ATRNL1: variants seen among roughly 807,000 people sequenced by gnomAD.
ATRNL1 encodes attractin-like protein 1.
In ATRNL1, 95 loss-of-function variants were observed where a neutral mutation model predicts 182.7. The ratio of observed to expected loss-of-function variants is 0.52; its 90% confidence interval spans 0.44 to 0.62. The LOEUF is 0.62. ATRNL1 is among the 20% of genes least tolerant of loss of function. ATRNL1 has a pLI of 0.00. For synonymous variants in ATRNL1, 576 were observed against 568.3 expected (o/e 1.01, Z -0.19); for missense variants, 1,471 against 1,679.5 (o/e 0.88, Z 2.17).
intron 26 of ATRNL1, among the ~76,000 whole-genome samples, chr10:115,569,698 C>G (rs1261576958): frequency 6.6e-6 from 1 of 151,830 alleles, no homozygotes; most frequent in Non-Finnish European, 1.5e-5. Context: ...AGCTCTTTAA[C>G]CTTGAGTAGG....
At chr10:115,368,770 G>A (rs1216315246) in intron 19 of ATRNL1, among the ~76,000 whole-genome samples, 4 of 150,890 alleles carry the variant, frequency 2.7e-5, no homozygotes, top group African/African-American at 7.4e-5. Flanking sequence ...CTGGAATGCA[G>A]TGGTGTGATC....
intron 26 of ATRNL1, among the ~76,000 whole-genome samples, chr10:115,670,421 A>G (rs1555041029): frequency 6.6e-6 from 1 of 152,120 alleles, no homozygotes; most frequent in African/African-American, 2.4e-5. Context: ...TTTTGCCATT[A>G]TTTAACATTT....
intron 26 of ATRNL1, among the ~76,000 whole-genome samples, chr10:115,602,590 G>A (rs1160907297): frequency 5.3e-5 from 8 of 152,050 alleles, no homozygotes; most frequent in Non-Finnish European, 7.4e-5. Flanking sequence ...ATGGCCGGGC[G>A]CAGTGGCTCA....
rs1295927689 is a variant in ATRNL1 at position 115,331,896 on chromosome 10, A to C, written c.3038-2386A>C. The stretch of plus-strand genomic sequence containing the variant: ...TAAGAGATCAGGGTCAGACCCTCAC[A>C]TATGAAGGATTGTAGACCATCCATC... On this transcript the variant is annotated intron_variant, in intron 18 of 28. Coordinates refer to ENST00000355044, the MANE Select transcript of ATRNL1 (RefSeq NM_207303.4). Among the ~76,000 whole-genome samples the C allele has an allele frequency of 2.6e-5, 4 of 152,166 alleles. No individual in the cohort carries two copies. The East Asian group carries it at 7.7e-4, about 29-fold the overall frequency.
chr10:115,814,631 T>G (rs1950121014), intron 27 of ATRNL1, among the ~76,000 whole-genome samples: 1 of 152,174 alleles, frequency 6.6e-6, no homozygotes, highest in African/African-American at 2.4e-5. Context: ...GGGTTTCTTC[T>G]TAACATTCCT....
Position 115,847,929 on chromosome 10 carries a change from T to C in ATRNL1, c.3956T>C (p.Val1319Ala). The change falls in exon 28 of 29, where the codon GTT becomes GCT. Residue 1319 changes from valine (V) to alanine (A), a missense_variant. Val to Ala is a moderately conservative substitution (Grantham distance 64). Transcript: ENST00000355044. ...CCATGTGCTGGGAACAGAGCTGCTG[T>C]TCTGACTGTGTTTCTTTGTCTACCA... ...IEPCAGNRAA[V>A]LTVFLCLPRG... The C allele has an allele frequency of 6.2e-7, 1 of 1,613,078 alleles. No individual in the cohort carries two copies. Among genetic ancestry groups the C allele is most frequent in the East Asian group, 2.2e-5 (1 of 44,860 alleles).
chr10:115,632,543 T>C (rs1185954130), intron 26 of ATRNL1, among the ~76,000 whole-genome samples: 1 of 152,210 alleles, frequency 6.6e-6, no homozygotes, highest in African/African-American at 2.4e-5. Context: ...ACTGTCTTTC[T>C]CTTACAAATT....
chr10:115,848,367 T>C (rs1211933864), intron 28 of ATRNL1, among the ~76,000 whole-genome samples: 1 of 152,176 alleles, frequency 6.6e-6, no homozygotes, highest in African/African-American at 2.4e-5. Context: ...AACCAAATTA[T>C]AAATATGATT....
At chr10:115,155,149 A>AT (rs1162580670) in intron 5 of ATRNL1, among the ~76,000 whole-genome samples, 14 of 150,464 alleles carry the variant, frequency 9.3e-5, no homozygotes, top group South Asian at 4.2e-4. Context: ...GTTTTAATGG[A>AT]TTTTTTTTCT....
intron 27 of ATRNL1, among the ~76,000 whole-genome samples, chr10:115,838,326 C>T (rs1555096153): frequency 6.6e-6 from 1 of 152,164 alleles, no homozygotes. Context: ...GTCTGTGGTA[C>T]ATGGGATTGG....
intron 26 of ATRNL1, 71 bp downstream of exon 26, chr10:115,549,607 T>C (rs1371466768): frequency 3.9e-6 from 4 of 1,026,150 alleles, no homozygotes; most frequent in Non-Finnish European, 5.6e-6. Flanking sequence ...TGTCTGTTAA[T>C]TACCATGCTC....
chr10:115,672,116 T>C (rs1945715210), intron 26 of ATRNL1, among the ~76,000 whole-genome samples: 1 of 152,112 alleles, frequency 6.6e-6, no homozygotes, highest in Admixed American at 6.6e-5. Flanking sequence ...CATTGTACTT[T>C]TAATGATAAA....
In ATRNL1 at chr10:115,616,624, A is replaced by G. The variant is rs371690675; in HGVS notation, c.3795+67088A>G. On this transcript the variant is annotated intron_variant, in intron 26 of 28. Transcript: ENST00000355044. ...GCTTCCATGGGTGAGGCCCATGCTTATAGCCTTGTGCAACCTTGGGACACT... is the reference window on the plus strand; with the variant it reads ...GCTTCCATGGGTGAGGCCCATGCTTGTAGCCTTGTGCAACCTTGGGACACT... Among the ~76,000 whole-genome samples, 39 of 152,308 alleles carry G rather than the reference A, an allele frequency of 2.6e-4. 1 individual carries two copies. The South Asian group carries it at 7.9e-3, about 31-fold the overall frequency.
At chr10:115,374,187 GAT>G (rs1857538435) in intron 19 of ATRNL1, among the ~76,000 whole-genome samples, 1 of 151,508 alleles carries the variant, frequency 6.6e-6, no homozygotes, top group South Asian at 2.1e-4. Flanking sequence ...AATCTTCTAT[GAT>G]ATTAGTTGTA....
intron 1 of ATRNL1, among the ~76,000 whole-genome samples, chr10:115,112,065 A>C (rs527707649): frequency 4.5e-5 from 6 of 133,894 alleles, no homozygotes; most frequent in Admixed American, 1.4e-4. Flanking sequence ...AACAAAAAAA[A>C]CCCAAAAAAA....
At chr10:115,094,482 CCT>C (rs1171857205) in intron 1 of ATRNL1, among the ~76,000 whole-genome samples, 3 of 152,126 alleles carry the variant, frequency 2.0e-5, no homozygotes, top group African/African-American at 7.2e-5. Context: ...TCTATGAGTG[CCT>C]CTCTCTTTCC....
intron 20 of ATRNL1, among the ~76,000 whole-genome samples, chr10:115,415,289 T>C (rs1206432689): frequency 6.6e-6 from 1 of 152,046 alleles, no homozygotes; most frequent in Non-Finnish European, 1.5e-5. Flanking sequence ...ATAAGTGAAG[T>C]TGAATATTTT....
intron 26 of ATRNL1, among the ~76,000 whole-genome samples, chr10:115,554,572 C>A (rs757830519): frequency 1.3e-4 from 20 of 151,412 alleles, no homozygotes; most frequent in Non-Finnish European, 2.4e-4. Flanking sequence ...GATATAGGCC[C>A]CATTATTGGG....
chr10:115,267,098 C>A (rs1035073996), intron 12 of ATRNL1, 93 bp downstream of exon 12: 65 of 859,642 alleles, frequency 7.6e-5, no homozygotes, highest in South Asian at 6.4e-4. Context: ...ACTTTAGTAG[C>A]TACAGAAATG....
Sources: allele counts gnomAD v4.1 joint callset (sites outside exome capture counted in the v4.1 genomes callset), GRCh38; gene constraint gnomAD v4.1.1; transcripts MANE v1.5; gene names NCBI Gene and HGNC (gene_info 2026-07-23, HGNC 2026-07-21).